IL23R: variants seen among roughly 807,000 people sequenced by gnomAD.
The protein encoded by IL23R is interleukin-23 receptor.
IL23R carries 34 observed loss-of-function variants against 56.9 expected under a neutral mutation model. The observed-to-expected ratio is 0.60, with a 90% CI of 0.45 to 0.80. The LOEUF (loss-of-function observed/expected upper bound fraction) is 0.80. IL23R is among the 30% of genes least tolerant of loss of function. IL23R has a pLI of 0.00. For synonymous variants in IL23R, 230 were observed against 249.2 expected (o/e 0.92, Z 0.73); for missense variants, 635 against 730.0 (o/e 0.87, Z 1.50).
intron 4 of IL23R, among the ~76,000 whole-genome samples, chr1:67,186,924 T>C (rs748138702): frequency 2.3e-4 from 35 of 152,296 alleles, no homozygotes; most frequent in Middle Eastern, 3.4e-3. Context: ...CCTGGCCCTT[T>C]ATTCCTTTTT....
intron 4 of IL23R, among the ~76,000 whole-genome samples, chr1:67,184,128 G>A (rs1448783389): frequency 1.3e-5 from 2 of 152,086 alleles, no homozygotes; most frequent in Non-Finnish European, 2.9e-5. Context: ...CAGCTACTCA[G>A]GAGGCTGAAG....
chr1:67,201,592 G>C (rs539144457), intron 5 of IL23R, among the ~76,000 whole-genome samples: 3 of 150,320 alleles, frequency 2.0e-5, no homozygotes, highest in African/African-American at 7.3e-5. Context: ...TCATGATAAA[G>C]TTTGTTGAGT....
intron 3 of IL23R, among the ~76,000 whole-genome samples, chr1:67,179,193 T>C (rs1168020936): frequency 2.0e-5 from 3 of 152,232 alleles, no homozygotes; most frequent in Non-Finnish European, 2.9e-5. Flanking sequence ...GAAGGAATGG[T>C]ACCAGCTTCT....
At chr1:67,253,075 T>C (rs920739269) in intron 9 of IL23R, among the ~76,000 whole-genome samples, 1 of 152,170 alleles carries the variant, frequency 6.6e-6, no homozygotes, top group Non-Finnish European at 1.5e-5. Context: ...ATGAAGTCCT[T>C]CTCAGGCCAT....
At chr1:67,243,923 C>T (rs1652024194) in intron 9 of IL23R, among the ~76,000 whole-genome samples, 1 of 152,184 alleles carries the variant, frequency 6.6e-6, no homozygotes, top group African/African-American at 2.4e-5. Context: ...TACACTCCCA[C>T]CAACAGTGTA....
intron 6 of IL23R, among the ~76,000 whole-genome samples, chr1:67,210,032 G>A (rs1649347027): frequency 6.6e-6 from 1 of 152,190 alleles, no homozygotes; most frequent in Non-Finnish European, 1.5e-5. Context: ...GAACTAAGAT[G>A]TATGAATGTT....
At chr1:67,180,088 T>C (rs10928628) in intron 3 of IL23R, among the ~76,000 whole-genome samples, 2 of 152,210 alleles carry the variant, frequency 1.3e-5, no homozygotes, top group Admixed American at 1.3e-4. Context: ...GAAGAATATA[T>C]ATTCTGTGGA....
chr1:67,209,058 T>A (rs1427562887), intron 6 of IL23R, among the ~76,000 whole-genome samples: 1 of 152,166 alleles, frequency 6.6e-6, no homozygotes, highest in African/African-American at 2.4e-5. Flanking sequence ...CTGCTGGATT[T>A]TGGACTTGCA....
intron 5 of IL23R, among the ~76,000 whole-genome samples, chr1:67,206,336 G>A (rs1649055240): frequency 6.6e-6 from 1 of 151,772 alleles, no homozygotes; most frequent in Non-Finnish European, 1.5e-5. Flanking sequence ...TTTGAGACAA[G>A]CTCTCATTCT....
chr1:67,200,348 A>T (rs528754619), intron 4 of IL23R, among the ~76,000 whole-genome samples: 32 of 151,942 alleles, frequency 2.1e-4, no homozygotes, highest in Non-Finnish European at 3.7e-4. Flanking sequence ...AATTTTTTTT[A>T]AAAAGGTAAC....
chr1:67,264,215 A>G (rs574356829), downstream of IL23R, among the ~76,000 whole-genome samples: 200 of 152,364 alleles, frequency 1.3e-3, 1 homozygote, highest in African/African-American at 4.6e-3. Context: ...CTGCTAATAG[A>G]GGCAGTTCTA....
At chr1:67,141,826 C>A (rs547323300) in intron 1 of IL23R, among the ~76,000 whole-genome samples, 2 of 151,826 alleles carry the variant, frequency 1.3e-5, no homozygotes, top group East Asian at 3.9e-4. Context: ...CGGACCCAGT[C>A]GATTAACATC....
chr1:67,229,926 G>T (rs1254841911), intron 7 of IL23R, among the ~76,000 whole-genome samples: 2 of 152,182 alleles, frequency 1.3e-5, no homozygotes, highest in Non-Finnish European at 2.9e-5. Flanking sequence ...ATCAAGGCTG[G>T]TTATCTTAAG....
chr1:67,225,711 T>C (rs12069487), intron 7 of IL23R, among the ~76,000 whole-genome samples: 7 of 152,004 alleles, frequency 4.6e-5, no homozygotes, highest in African/African-American at 1.5e-4. Flanking sequence ...GGTTTCGTCA[T>C]GTTGGCCAGG....
intron 7 of IL23R, among the ~76,000 whole-genome samples, chr1:67,234,032 C>G (rs1371036408): frequency 6.6e-6 from 1 of 151,552 alleles, no homozygotes; most frequent in Admixed American, 6.6e-5. Context: ...CCATAAAGCA[C>G]TAATAGCAGG....
intron 6 of IL23R, 162 bp from the exon 7 acceptor site, chr1:67,219,412 G>C: frequency 1.5e-6 from 1 of 656,852 alleles, no homozygotes; most frequent in Non-Finnish European, 2.6e-6. Context: ...TTCAGAGACA[G>C]TATTTGATTA....
At chr1:67,226,085 T>C (rs911559929) in intron 7 of IL23R, among the ~76,000 whole-genome samples, 15 of 152,148 alleles carry the variant, frequency 9.9e-5, no homozygotes, top group African/African-American at 3.4e-4. Flanking sequence ...CTCAAACCCG[T>C]TACAGGAGGG....
At chr1:67,215,439 A>T (rs1649770963) in intron 6 of IL23R, among the ~76,000 whole-genome samples, 1 of 152,170 alleles carries the variant, frequency 6.6e-6, no homozygotes, top group Non-Finnish European at 1.5e-5. Flanking sequence ...TAGCCTGGGC[A>T]TGTCCTTATG....
intron 6 of IL23R, among the ~76,000 whole-genome samples, chr1:67,218,354 G>A (rs1891664): frequency 0.077 from 9,886 of 128,116 alleles, 879 homozygotes; most frequent in African/African-American, 0.22. Context: ...GTGTGTGTGT[G>A]TGTGTATATA....
Sources: allele counts gnomAD v4.1 joint callset (sites outside exome capture counted in the v4.1 genomes callset), GRCh38; gene constraint gnomAD v4.1.1; transcripts MANE v1.5; gene names NCBI Gene and HGNC (gene_info 2026-07-23, HGNC 2026-07-21).